The following CALCOCO2 variants were observed in gnomAD, a reference collection of about 807,000 sequenced individuals.
CALCOCO2 encodes calcium-binding and coiled-coil domain-containing protein 2.
Under a neutral mutation model 62.5 loss-of-function variants are expected in CALCOCO2, and 42 were observed. That is an observed-to-expected ratio of 0.67 (90% CI 0.53 to 0.87). The LOEUF is 0.87. Ranked by LOEUF, CALCOCO2 falls within the 40% of genes least tolerant of loss-of-function variation. The pLI is 0.00. For missense variants in CALCOCO2, 456 were observed against 515.0 expected (o/e 0.89, Z 1.11); for synonymous variants, 167 against 173.0 (o/e 0.97, Z 0.27).
At chr17:48,847,774 ACCT>A (rs2040072278) in intron 2 of CALCOCO2, 1 of 214,596 alleles carries the variant, frequency 4.7e-6, no homozygotes, top group South Asian at 7.5e-5. Context: ...TCCTGCCTCA[ACCT>A]CCTGAGTAGC....
chr17:48,855,296 C>G (rs1183523542), intron 9 of CALCOCO2, among the ~76,000 whole-genome samples: 1 of 152,120 alleles, frequency 6.6e-6, no homozygotes, highest in East Asian at 1.9e-4. Context: ...GAAGAGCCAT[C>G]AGGAGCCAAC....
chr17:48,848,585 T>G, intron 4 of CALCOCO2, 130 bp downstream of exon 4: 4 of 773,686 alleles, frequency 5.2e-6, no homozygotes, highest in South Asian at 1.6e-5. Context: ...TATGTAGTAC[T>G]CACACAGACT....
At chr17:48,837,741 C>T (rs1424840835) in intron 1 of CALCOCO2, among the ~76,000 whole-genome samples, 1 of 152,004 alleles carries the variant, frequency 6.6e-6, no homozygotes, top group African/African-American at 2.4e-5. Flanking sequence ...TTTTTAGTTC[C>T]TTAACTCAAT....
intron 4 of CALCOCO2, 133 bp from the exon 5 acceptor site, chr17:48,849,119 G>A (rs1477118178): frequency 1.3e-6 from 1 of 779,898 alleles, no homozygotes; most frequent in Non-Finnish European, 2.2e-6. Context: ...TAGGTATTAA[G>A]GAGCAGCCCC....
chr17:48,845,421 GTA>G (rs1226287642), intron 2 of CALCOCO2, among the ~76,000 whole-genome samples: 3 of 121,756 alleles, frequency 2.5e-5, no homozygotes, highest in African/African-American at 6.2e-5. Context: ...GTGTGTGTGT[GTA>G]TTGCCTAATT....
At chr17:48,862,041 T>C (rs984514998) in intron 11 of CALCOCO2, among the ~76,000 whole-genome samples, 163 of 84,080 alleles carry the variant, frequency 1.9e-3, no homozygotes, top group Non-Finnish European at 3.5e-3. Context: ...AAAGCGAGAC[T>C]CTGTCTCAAA....
intron 1 of CALCOCO2, among the ~76,000 whole-genome samples, chr17:48,837,190 T>G (rs758448193): frequency 2.0e-5 from 3 of 152,186 alleles, no homozygotes; most frequent in Non-Finnish European, 2.9e-5. Context: ...GGCCTCCATA[T>G]GACGGTAGAC....
intron 4 of CALCOCO2, chr17:48,848,788 T>A (rs1436158708): frequency 5.9e-6 from 3 of 506,846 alleles, no homozygotes; most frequent in South Asian, 4.6e-5. Flanking sequence ...CCAAATATTC[T>A]TATCTCTTTC....
intron 10 of CALCOCO2, chr17:48,856,761 C>T (rs2040221154): frequency 3.0e-6 from 1 of 334,388 alleles, no homozygotes; most frequent in South Asian, 2.2e-5. Flanking sequence ...CAAGGTCATT[C>T]TCATGTTCTT....
chr17:48,846,038 G>A, intron 2 of CALCOCO2: 1 of 1,465,516 alleles, frequency 6.8e-7, no homozygotes, highest in Non-Finnish European at 9.2e-7. Context: ...TTTCAGTGTA[G>A]TCTTAATCAG....
intron 1 of CALCOCO2, among the ~76,000 whole-genome samples, chr17:48,836,575 G>A: frequency 6.6e-6 from 1 of 152,082 alleles, no homozygotes; most frequent in East Asian, 1.9e-4. Flanking sequence ...GTATACAATG[G>A]TGATAGTGTT....
chr17:48,838,087 A>G (rs1288514131), intron 1 of CALCOCO2, among the ~76,000 whole-genome samples: 1 of 152,078 alleles, frequency 6.6e-6, no homozygotes, highest in Non-Finnish European at 1.5e-5. Context: ...CTGTCTCAAG[A>G]GCTGAGCTCC....
At chr17:48,853,167 A>G (rs73989219) in intron 9 of CALCOCO2, 155 bp downstream of exon 9, 43,768 of 591,736 alleles carry the variant, frequency 0.074, 3,214 homozygotes, top group African/African-American at 0.28. Flanking sequence ...AGAATCTGCC[A>G]TTTATAAAAT....
chr17:48,831,578 G>A (rs1206011589), intron 1 of CALCOCO2: 2 of 152,258 alleles, frequency 1.3e-5, no homozygotes, highest in Admixed American at 6.5e-5. Flanking sequence ...GAAGCGCCTT[G>A]CCTTTTGCAT....
At chr17:48,848,571 A>C (rs910942048) in intron 4 of CALCOCO2, 116 bp downstream of exon 4, 1 of 932,944 alleles carries the variant, frequency 1.1e-6, no homozygotes, top group African/African-American at 1.6e-5. Flanking sequence ...CATTGGAAAA[A>C]ATGTATGTAG....
intron 10 of CALCOCO2, among the ~76,000 whole-genome samples, chr17:48,858,729 C>G (rs1016501153): frequency 6.6e-5 from 10 of 151,680 alleles, no homozygotes; most frequent in African/African-American, 2.4e-4. Flanking sequence ...GTTTGCAAAA[C>G]AAAGGGAAAG....
intron 2 of CALCOCO2, 86 bp downstream of exon 2, chr17:48,841,973 C>A: frequency 1.0e-6 from 1 of 954,032 alleles, no homozygotes; most frequent in Non-Finnish European, 1.6e-6. Context: ...GTATTATAAG[C>A]ATTTTGTATA....
At position 48,862,285 on chromosome 17, in the gene CALCOCO2, A is replaced by G; in HGVS notation, c.1154A>G (p.Glu385Gly). 1 of 1,590,754 alleles carries G rather than the reference A, an allele frequency of 6.3e-7. No homozygotes were observed. Among genetic ancestry groups the G allele is most frequent in the Non-Finnish European group, 8.6e-7 (1 of 1,158,780 alleles). ...TTTTTATTCTTTTCAGGTATCCAAG[A>G]AAGTTCTTCCCCCAGCCCGGTAAGT... is the stretch of plus-strand genomic sequence containing the variant. ...AYGNPYSGIQ[E>G]SSSPSPLSIK... Residue 385 changes from glutamate (E) to glycine (G), a missense_variant, in exon 12 of 13, where the codon GAA becomes GGA. Around this residue, in one of 3 missense-constraint regions of CALCOCO2, gnomAD observed 172 missense variants for 210.3 expected, o/e 0.82. Transcript: ENST00000258947.
chr17:48,839,326 A>C (rs1291752656), intron 1 of CALCOCO2: 2 of 134,846 alleles, frequency 1.5e-5, no homozygotes, highest in Admixed American at 7.8e-5. Context: ...TCCTTTATGT[A>C]CTGTTTTTGA....
Sources: gnomAD v4.1 joint callset for allele counts (sites outside exome capture counted in the v4.1 genomes callset) on GRCh38, gnomAD v4.1.1 for gene constraint, gnomAD v4.1.1 regional missense constraint, MANE v1.5 for transcripts, NCBI Gene and HGNC (gene_info 2026-07-23, HGNC 2026-07-21) for gene names.